Variants in AVPI1 observed in about 807,000 individuals in gnomAD.
The protein encoded by AVPI1 is arginine vasopressin induced 1, also known as arginine vasopressin-induced protein 1.
A neutral mutation model predicts 11.9 loss-of-function variants in AVPI1; 9 were observed. The observed-to-expected ratio is 0.76, with a 90% CI of 0.46 to 1.32. The LOEUF is 1.32. Among genes scored for constraint, AVPI1 ranks in the 40% most tolerant of loss-of-function variants. The pLI is 0.00. For missense variants in AVPI1, 207 were observed against 195.8 expected (o/e 1.06, Z -0.34); for synonymous variants, 68 against 78.1 (o/e 0.87, Z 0.68).
At chr10:97,679,477 A>G in intron 2 of AVPI1, 142 bp downstream of exon 2, 1 of 1,034,762 alleles carries the variant, frequency 9.7e-7, no homozygotes, top group Non-Finnish European at 1.4e-6. Flanking sequence ...AAGTGGTGAC[A>G]CTGTGTAGAC....
At chr10:97,678,910 T>TTTTCAGAGACAGGATCTCGCC (rs1229669394) in intron 2 of AVPI1, among the ~76,000 whole-genome samples, 1,583 of 26,792 alleles carry the variant, frequency 0.059, 68 homozygotes, top group South Asian at 0.077. Context: ...TGTGTGTGTG[T>TTTTCAGAGACAGGATCTCGCC]GTGTGTGTGT....
At position 97,677,841 on chromosome 10, in the gene AVPI1, C is replaced by T. The variant is rs1336733906; in HGVS notation, c.*28G>A. The T allele has an allele frequency of 1.2e-6, 2 of 1,611,490 alleles. No individual in the cohort carries two copies. Among genetic ancestry groups the T allele is most frequent in the Admixed American group, 1.7e-5 (1 of 59,912 alleles). On this transcript the variant is annotated 3_prime_UTR_variant, in exon 3 of 3. Coordinates refer to ENST00000370626, the MANE Select transcript of AVPI1 (RefSeq NM_021732.3). ...CCAGGCCTTTTGGCAAGAGGGAAGA[C>T]ACTGCCATTCCTGGCTCTTTCCCTG...
Position 97,685,201 on chromosome 10 carries a change from A to T in AVPI1, c.-11+1565T>A, listed in dbSNP as rs561184385. On this transcript the variant is annotated intron_variant, in intron 1 of 2. Transcript: ENST00000370626. Reference sequence around the variant, plus strand: ...ATTGCAAAATACTTCAATTTGACACAAACTAGGTTGAAAGTGAACCCCAAA... The same window carrying T: ...ATTGCAAAATACTTCAATTTGACACTAACTAGGTTGAAAGTGAACCCCAAA... Among the ~76,000 whole-genome samples, 15 of 152,350 alleles carry T rather than the reference A, an allele frequency of 9.8e-5. No homozygotes were observed. The South Asian group carries it at 3.1e-3, about 32-fold the overall frequency.
chr10:97,679,971 G>C (rs2041696220), intron 1 of AVPI1, 56 bp from the exon 2 acceptor site: 4 of 1,434,964 alleles, frequency 2.8e-6, no homozygotes, highest in South Asian at 1.4e-5. Flanking sequence ...CCCAGACCTG[G>C]GGGTCCTGGC....
chr10:97,683,546 C>T (rs1404992075), intron 1 of AVPI1, among the ~76,000 whole-genome samples: 2 of 152,224 alleles, frequency 1.3e-5, no homozygotes, highest in Non-Finnish European at 2.9e-5. Context: ...CTTTCCTATT[C>T]CCACCTAATT....
intron 1 of AVPI1, among the ~76,000 whole-genome samples, chr10:97,682,327 C>A (rs2041709337): frequency 6.6e-6 from 1 of 152,200 alleles, no homozygotes; most frequent in South Asian, 2.1e-4. Flanking sequence ...TCTCCAGGGC[C>A]TGGTTGCCTA....
chr10:97,681,110 CTTAAGCAAG>C (rs2041701021), intron 1 of AVPI1, among the ~76,000 whole-genome samples: 1 of 152,170 alleles, frequency 6.6e-6, no homozygotes. Flanking sequence ...ACTCTGACAC[CTTAAGCAAG>C]TTACCCAACC....
chr10:97,681,692 A>G (rs1306389765), intron 1 of AVPI1, among the ~76,000 whole-genome samples: 8 of 150,028 alleles, frequency 5.3e-5, no homozygotes. Context: ...CCTGGCTAAC[A>G]AGGTGAAACC....
intron 1 of AVPI1, 134 bp from the exon 2 acceptor site, chr10:97,680,049 T>G: frequency 4.6e-6 from 4 of 867,840 alleles, no homozygotes; most frequent in Non-Finnish European, 6.9e-6. Flanking sequence ...TGCCTTAAAA[T>G]CACTTAAGCA....
Position 97,687,206 on chromosome 10 carries a change from C to A in AVPI1, c.-451G>T, listed in dbSNP as rs1235334141. ...GTTCCCGGGAGAAAGCGCTCCCTAG[C>A]CCCGGAACAGCCAATCCTCGGCCCT... is the stretch of plus-strand genomic sequence containing the variant. On this transcript the variant is annotated 5_prime_UTR_variant, in exon 1 of 3. Transcript: ENST00000370626. 6.6e-6 allele frequency: 1 copy of A among 152,456 alleles called. No individual in the cohort carries two copies. The highest frequency in any genetic ancestry group is 6.5e-5 in the Admixed American group (1 of 15,288). 9.4% of individuals were successfully genotyped at this position (152,456 alleles called of 1,614,324 possible).
At chr10:97,683,214 G>C (rs576486836) in intron 1 of AVPI1, among the ~76,000 whole-genome samples, 83 of 152,172 alleles carry the variant, frequency 5.5e-4, no homozygotes, top group Middle Eastern at 3.4e-3. Context: ...TTGGAGTGCA[G>C]TGTTGCAATC....
At chr10:97,685,603 G>C (rs1452132673) in intron 1 of AVPI1, among the ~76,000 whole-genome samples, 1 of 152,140 alleles carries the variant, frequency 6.6e-6, no homozygotes, top group Non-Finnish European at 1.5e-5. Context: ...TGGAGGCTCT[G>C]GCCCAAGGCC....
chr10:97,681,377 G>A (rs973256459), intron 1 of AVPI1, among the ~76,000 whole-genome samples: 2 of 151,996 alleles, frequency 1.3e-5, no homozygotes, highest in African/African-American at 4.8e-5. Context: ...GAGGTCAGGA[G>A]TTCAAGACCA....
intron 1 of AVPI1, among the ~76,000 whole-genome samples, chr10:97,684,510 T>TTC (rs1298330270): frequency 6.7e-6 from 1 of 149,134 alleles, no homozygotes; most frequent in Non-Finnish European, 1.5e-5. Flanking sequence ...TTTTTTTTTT[T>TTC]TTTTTGAGGC....
intron 1 of AVPI1, among the ~76,000 whole-genome samples, chr10:97,685,997 A>AT (rs1245307060): frequency 1.3e-5 from 2 of 152,174 alleles, no homozygotes; most frequent in Non-Finnish European, 2.9e-5. Context: ...TCAAAATAGT[A>AT]TAAGGCCAGG....
chr10:97,680,249 C>G (rs1418979919), intron 1 of AVPI1, among the ~76,000 whole-genome samples: 1 of 152,204 alleles, frequency 6.6e-6, no homozygotes, highest in Non-Finnish European at 1.5e-5. Context: ...GCTGTAGATT[C>G]CATGCAGACG....
intron 2 of AVPI1, among the ~76,000 whole-genome samples, chr10:97,678,966 T>TC (rs1225083682): frequency 1.4e-5 from 1 of 72,576 alleles, no homozygotes; most frequent in South Asian, 5.5e-4. Flanking sequence ...TGTGTGTGTG[T>TC]GTGTGTGTGT....
chr10:97,678,682 C>T (rs1163514010), intron 2 of AVPI1, among the ~76,000 whole-genome samples: 4 of 87,116 alleles, frequency 4.6e-5, no homozygotes, highest in African/African-American at 2.8e-4. Context: ...TTTAATTAGG[C>T]TTAAAAAAAA....
chr10:97,681,952 TA>T (rs1056148035), intron 1 of AVPI1, among the ~76,000 whole-genome samples: 5 of 124,834 alleles, frequency 4.0e-5, no homozygotes, highest in African/African-American at 1.5e-4. Flanking sequence ...AAAATACAAA[TA>T]AAAAATAGAT....
Sources: gnomAD v4.1 joint callset for allele counts (sites outside exome capture counted in the v4.1 genomes callset) on GRCh38, gnomAD v4.1.1 for gene constraint, MANE v1.5 for transcripts, NCBI Gene and HGNC (gene_info 2026-07-23, HGNC 2026-07-21) for gene names.